The following KAZN variants were observed in gnomAD, a reference collection of about 807,000 sequenced individuals.
KAZN encodes kazrin, periplakin interacting protein.
Under a neutral mutation model 87.4 loss-of-function variants are expected in KAZN, and 40 were observed. The ratio of observed to expected loss-of-function variants is 0.46; its 90% CI spans 0.36 to 0.60. KAZN has a LOEUF of 0.60. Among genes scored for constraint, KAZN ranks in the 20% least tolerant of loss-of-function variants. KAZN has a pLI of 0.00. For synonymous variants in KAZN, 466 were observed against 458.3 expected (o/e 1.02, Z -0.22); for missense variants, 898 against 1,073.9 (o/e 0.84, Z 2.29).
intron 2 of KAZN, among the ~76,000 whole-genome samples, chr1:14,213,321 C>A (rs769535952): frequency 2.0e-5 from 3 of 152,154 alleles, no homozygotes; most frequent in Non-Finnish European, 2.9e-5. Context: ...CCCTCTTCCT[C>A]CCATCCCCTC....
rs369731241 is a variant in KAZN at position 14,808,574 on chromosome 1, A to G, written c.227-152110A>G. Among the ~76,000 whole-genome samples, 4 of 152,174 alleles carry G rather than the reference A, an allele frequency of 2.6e-5. No homozygotes were observed. In the East Asian group the frequency reaches 7.7e-4, roughly 29 times the overall value. The stretch of plus-strand genomic sequence containing the variant: ...CAGCCTCCTAAAGTGCTGGGATCAC[A>G]GGTGTGAGCCACTGCACCCGGCCAA... On this transcript the variant is annotated intron_variant, in intron 1 of 14. Transcript: ENST00000376030.
chr1:14,394,261 G>C (rs1320941160), intron 2 of KAZN, among the ~76,000 whole-genome samples: 1 of 152,216 alleles, frequency 6.6e-6, no homozygotes, highest in East Asian at 1.9e-4. Context: ...TTATGTCAAG[G>C]GGAATGGCAA....
At chr1:14,807,417 CT>C (rs1646257273) in intron 1 of KAZN, among the ~76,000 whole-genome samples, 3 of 152,148 alleles carry the variant, frequency 2.0e-5, no homozygotes, top group African/African-American at 4.8e-5. Context: ...AGAGTCTGTT[CT>C]CTTAACTGAC....
Position 15,089,114 on chromosome 1 carries a change from G to A in KAZN, c.1223-5066G>A, listed in dbSNP as rs563789786. 8.6e-5 allele frequency among the ~76,000 whole-genome samples: 13 copies of A among 151,836 alleles called. No homozygotes were observed. In the South Asian group the frequency reaches 2.3e-3, roughly 27 times the overall value. ...CCTCTCCTCCTTTCAATTTACTTTC[G>A]CATCTTTATTGCATCTGGACACCCT... On this transcript the variant is annotated intron_variant, in intron 8 of 14. Transcript: ENST00000376030.
intron 1 of KAZN, among the ~76,000 whole-genome samples, chr1:13,961,475 G>A (rs1414222924): frequency 6.6e-6 from 1 of 152,190 alleles, no homozygotes; most frequent in Non-Finnish European, 1.5e-5. Flanking sequence ...TTTGGGCTGG[G>A]CTGGGATGCC....
intron 1 of KAZN, among the ~76,000 whole-genome samples, chr1:14,726,442 G>A (rs535251595): frequency 2.6e-5 from 4 of 152,278 alleles, no homozygotes; most frequent in East Asian, 3.9e-4. Context: ...AGCGGCTTCC[G>A]GGTGTGTGCT....
chr1:14,370,248 G>C (rs1360050), intron 2 of KAZN, among the ~76,000 whole-genome samples: 75,185 of 152,132 alleles, frequency 0.49, 21,110 homozygotes, highest in Middle Eastern at 0.64. Context: ...AGGAGAGGAA[G>C]AAGTGGGGAG....
chr1:14,454,775 G>A (rs1005724317), intron 2 of KAZN, among the ~76,000 whole-genome samples: 1 of 152,210 alleles, frequency 6.6e-6, no homozygotes, highest in African/African-American at 2.4e-5. Context: ...AAGAAAATAA[G>A]AGAGGTGTGT....
chr1:14,063,596 C>T (rs1450230090), intron 1 of KAZN, among the ~76,000 whole-genome samples: 1 of 152,068 alleles, frequency 6.6e-6, no homozygotes, highest in Non-Finnish European at 1.5e-5. Context: ...AATATCACAC[C>T]ATCTATTCAG....
intron 1 of KAZN, among the ~76,000 whole-genome samples, chr1:14,698,448 G>T (rs900832075): frequency 6.6e-6 from 1 of 152,222 alleles, no homozygotes; most frequent in African/African-American, 2.4e-5. Flanking sequence ...ATTTGCCGTT[G>T]GGGTCAGGTG....
chr1:14,960,900 C>T (rs754630791), intron 2 of KAZN, 25 bp downstream of exon 2: 1 of 1,586,252 alleles, frequency 6.3e-7, no homozygotes, highest in Non-Finnish European at 8.6e-7. Flanking sequence ...AGCAGCAGTT[C>T]CTTCGCTGGG....
chr1:14,058,664 G>T (rs1438837657), intron 1 of KAZN, among the ~76,000 whole-genome samples: 5 of 152,134 alleles, frequency 3.3e-5, no homozygotes, highest in African/African-American at 1.2e-4. Context: ...GTCTACAGAG[G>T]CAGCATTATG....
intron 12 of KAZN, among the ~76,000 whole-genome samples, chr1:15,103,734 G>C (rs567578357): frequency 1.3e-5 from 2 of 152,256 alleles, no homozygotes; most frequent in East Asian, 3.9e-4. Context: ...GCTCACATGG[G>C]GTAGAGAGGC....
At chr1:13,946,324 T>C (rs544495397) in intron 1 of KAZN, among the ~76,000 whole-genome samples, 1 of 152,318 alleles carries the variant, frequency 6.6e-6, no homozygotes, top group African/African-American at 2.4e-5. Flanking sequence ...AGAGTTGCGA[T>C]TCTGGAGCCA....
rs969365947 is a variant in KAZN at position 15,000,513 on chromosome 1, G to T, written c.419-34236G>T. Among the ~76,000 whole-genome samples, 105 of 151,828 alleles carry T rather than the reference G, an allele frequency of 6.9e-4. 3 individuals carry two copies. Among genetic ancestry groups the T allele is most frequent in the Middle Eastern group, 6.8e-3 (2 of 294 alleles). ...AAGTAGGGCTGAGGAGGCACCTCGGGGGGTACAGAGGGTGTCGTGAGAGAG... is the reference window on the plus strand; with the variant it reads ...AAGTAGGGCTGAGGAGGCACCTCGGTGGGTACAGAGGGTGTCGTGAGAGAG... On this transcript the variant is annotated intron_variant, in intron 2 of 14. Transcript: ENST00000376030.
intron 1 of KAZN, among the ~76,000 whole-genome samples, chr1:14,724,676 T>C (rs1252425380): frequency 2.0e-5 from 3 of 152,244 alleles, no homozygotes; most frequent in Non-Finnish European, 2.9e-5. Context: ...AGAACTGAAA[T>C]GTTCCATTAA....
chr1:14,241,287 G>T lies in KAZN; in HGVS notation c.249+60695G>T, dbSNP rs564513663. 5.5e-4 allele frequency among the ~76,000 whole-genome samples: 84 copies of T among 152,308 alleles called. 1 individual carries two copies. Among genetic ancestry groups the T allele is most frequent in the African/African-American group, 2.0e-3 (82 of 41,556 alleles). Reference sequence around the variant, plus strand: ...AACCCAGGACTCTGGATCTTCCCAGGCTCTGGCCTCCACTGAAGGTGTGAA... The same window carrying T: ...AACCCAGGACTCTGGATCTTCCCAGTCTCTGGCCTCCACTGAAGGTGTGAA... On this transcript the variant is annotated intron_variant, in intron 2 of 16. Coordinates refer to the KAZN transcript ENST00000636203.
intron 2 of KAZN, among the ~76,000 whole-genome samples, chr1:14,445,680 G>A (rs1666945275): frequency 6.6e-6 from 1 of 152,168 alleles, no homozygotes; most frequent in Non-Finnish European, 1.5e-5. Flanking sequence ...AGTCAGTAAA[G>A]GTGCTGTATT....
chr1:14,274,222 A>G (rs1571198306), intron 2 of KAZN, among the ~76,000 whole-genome samples: 1 of 152,348 alleles, frequency 6.6e-6, no homozygotes, highest in East Asian at 1.9e-4. Flanking sequence ...ATCTCTCATT[A>G]TTACAAGCCT....
Sources: allele counts gnomAD v4.1 joint callset (sites outside exome capture counted in the v4.1 genomes callset), GRCh38; gene constraint gnomAD v4.1.1; transcripts MANE v1.5; gene names NCBI Gene and HGNC (gene_info 2026-07-23, HGNC 2026-07-21).